The following PHKG1 variants were observed in gnomAD, a reference collection of about 807,000 sequenced individuals.
The protein encoded by PHKG1 is phosphorylase b kinase gamma catalytic chain, skeletal muscle/heart isoform.
Under a neutral mutation model 50.5 loss-of-function variants are expected in PHKG1, and 48 were observed. That is an observed-to-expected ratio of 0.95 (90% CI 0.75 to 1.21). PHKG1 has a LOEUF of 1.21. Ranked by LOEUF, PHKG1 falls within the 50% of genes most tolerant of loss-of-function variation. The pLI, the probability that PHKG1 is intolerant of heterozygous loss-of-function variation, is 0.00. For synonymous variants in PHKG1, 204 were observed against 212.8 expected, an observed-to-expected ratio of 0.96 and a Z score of 0.36; for missense variants, 487 against 519.5, an observed-to-expected ratio of 0.94 and a Z score of 0.61.
chr7:56,083,313 A>T lies in PHKG1; in HGVS notation c.512T>A (p.Phe171Tyr), dbSNP rs1287096715. ...CTCTCCCGGCTCCAGCTGGCAGGAA[A>T]AGCCAAAGTCTGTGAGCTTGATGTT... is the stretch of plus-strand genomic sequence containing the variant. The part of the protein sequence containing the change: ...NMNIKLTDFG[F>Y]SCQLEPGERL... The change falls in exon 6 of 10, where the codon TTT becomes TAT. Residue 171 changes from phenylalanine to tyrosine, a missense_variant. Physicochemically the swap from Phe to Tyr is conservative, Grantham distance 22. Coordinates refer to ENST00000297373, the MANE Select transcript of PHKG1 (RefSeq NM_006213.5). The T allele has an allele frequency of 3.7e-6, 6 of 1,614,030 alleles. No homozygotes were observed. Among genetic ancestry groups the T allele is most frequent in the Non-Finnish European group, 5.1e-6 (6 of 1,179,968 alleles).
intron 2 of PHKG1, 81 bp downstream of exon 2, chr7:56,088,778 G>T (rs1156641393): frequency 1.1e-6 from 1 of 900,690 alleles, no homozygotes; most frequent in Non-Finnish European, 1.8e-6. Context: ...GTTAGTACTC[G>T]GGGTGGAGCA....
At chr7:56,084,273 G>A in intron 4 of PHKG1, 1 of 1,314,032 alleles carries the variant, frequency 7.6e-7, no homozygotes, top group South Asian at 1.3e-5. Context: ...GGACTGGGAT[G>A]TATCGGGGCC....
rs958646698 is a variant in PHKG1, at chr7:56,081,519, G to A, written c.918+111C>T. 2.2e-6 allele frequency: 3 copies of A among 1,343,658 alleles called. No individual in the cohort carries two copies. In the African/African-American group the frequency reaches 4.3e-5, roughly 19 times the overall value. 83.2% of individuals were successfully genotyped at this position (1,343,658 alleles called of 1,614,324 possible). On this transcript the variant is annotated intron_variant, in intron 9 of 9. Transcript: ENST00000297373. This position sits in a 1 kb window ranked among gnomAD's most constrained non-coding sequence, Gnocchi z 4.6. ...AAGCCATCACAGGGCAGCTGGGAGG[G>A]GAGGGATGGGTACTCTGGAAATTCA...
intron 1 of PHKG1, 30 bp from the exon 2 acceptor site, chr7:56,089,005 C>T: frequency 1.8e-6 from 2 of 1,095,116 alleles, no homozygotes; most frequent in Non-Finnish European, 2.8e-6. Context: ...AAGCTGTCAG[C>T]CTTCCTGACC....
At chr7:56,090,434 C>T (rs1796452724) in intron 1 of PHKG1, among the ~76,000 whole-genome samples, 2 of 152,106 alleles carry the variant, frequency 1.3e-5, no homozygotes, top group African/African-American at 4.8e-5. Flanking sequence ...TGTATTCTAT[C>T]CATAACTGGG....
chr7:56,080,723 G>A lies in PHKG1; in HGVS notation c.*331C>T. The A allele has an allele frequency of 2.8e-6, 1 of 353,456 alleles. No homozygotes were observed. Among genetic ancestry groups the A allele is most frequent in the South Asian group, 3.4e-5 (1 of 29,462 alleles). 21.9% of individuals were successfully genotyped at this position (353,456 alleles called of 1,614,324 possible). On this transcript the variant is annotated 3_prime_UTR_variant, in exon 10 of 10. Coordinates refer to ENST00000297373, the MANE Select transcript of PHKG1 (RefSeq NM_006213.5). The stretch of plus-strand genomic sequence containing the variant: ...GTGACCCTAAGGGAAGAAAGCCTGA[G>A]TGTCAGTAACTCTGGGCCTCCCCTA...
At chr7:56,087,810 C>G (rs748194248) in intron 2 of PHKG1, 34 bp from the exon 3 acceptor site, 3 of 1,579,886 alleles carry the variant, frequency 1.9e-6, no homozygotes, top group Admixed American at 3.4e-5. Flanking sequence ...CCTCGGGGGG[C>G]CCCTCACCCC....
At chr7:56,085,519 A>T (rs973735161) in intron 4 of PHKG1, among the ~76,000 whole-genome samples, 1 of 152,186 alleles carries the variant, frequency 6.6e-6, no homozygotes, top group African/African-American at 2.4e-5. Flanking sequence ...GATGATGGTG[A>T]TGATGGTGGT....
In PHKG1 at chr7:56,081,271, A is replaced by T. The variant is rs1562875685; in HGVS notation, c.947T>A (p.Val316Glu). ...CCGGCGGTACTGGTAGTAGATCCGCACTGAAGCCAGCACGGTCAGAGCGAT... is the reference window on the plus strand; with the variant it reads ...CCGGCGGTACTGGTAGTAGATCCGCTCTGAAGCCAGCACGGTCAGAGCGAT... ...KVIALTVLAS[V>E]RIYYQYRRVK... Residue 316 changes from valine (V) to glutamate (E), a missense_variant, in exon 10 of 10, where the codon GTG becomes GAG. Val to Glu is a moderately radical substitution (Grantham distance 121, BLOSUM62 -2). Transcript: ENST00000297373. The surrounding 1 kb of genome is among the most constrained non-coding windows in gnomAD (Gnocchi z 4.6). The T allele has an allele frequency of 6.2e-7, 1 of 1,611,926 alleles. No individual in the cohort carries two copies. The highest frequency in any genetic ancestry group is 8.5e-7 in the Non-Finnish European group (1 of 1,179,832).
intron 4 of PHKG1, among the ~76,000 whole-genome samples, chr7:56,086,612 C>G (rs568534972): frequency 1.3e-5 from 2 of 152,268 alleles, no homozygotes; most frequent in East Asian, 3.9e-4. Context: ...CCTCAGCCTC[C>G]CGCGTAGCTG....
rs1426697125 is a variant in PHKG1 at position 56,087,530 on chromosome 7, C to T, written c.262+68G>A. On this transcript the variant is annotated intron_variant, in intron 3 of 9. Transcript: ENST00000297373. ...TGGCTGTGCGGTGGGGCCACACTCC[C>T]TGGCTTGGGCTGTCAGGGCAGAATC... The T allele has an allele frequency of 3.2e-5, 49 of 1,515,598 alleles. No individual in the cohort carries two copies. In the East Asian group the frequency reaches 9.6e-4, roughly 30 times the overall value. 93.9% of individuals were successfully genotyped at this position (1,515,598 alleles called of 1,614,324 possible). A position where few individuals can be genotyped will look rare whatever the true frequency, so the allele number is the denominator to read the frequency against.
At chr7:56,083,080 T>G (rs564100617) in intron 6 of PHKG1, 198 bp downstream of exon 6, 1 of 515,014 alleles carries the variant, frequency 1.9e-6, no homozygotes, top group African/African-American at 2.1e-5. Flanking sequence ...CACTCCAGCC[T>G]GGGCGACAGA....
At chr7:56,083,190 T>C in intron 6 of PHKG1, 88 bp downstream of exon 6, 1 of 1,181,484 alleles carries the variant, frequency 8.5e-7, no homozygotes, top group Non-Finnish European at 1.2e-6. Flanking sequence ...ACAATTAAGT[T>C]AGGGGAGAAA....
rs1795964762 is a variant in PHKG1, at chr7:56,081,207, G to A, written c.1011C>T (p.Pro337=). ...PVTREIVIRD[P]YALRPLRRLI... ...GCCGGCGCAGAGGCCGGAGGGCATA[G>A]GGGTCTCGGATGACGATCTCCCGGG... The change falls in exon 10 of 10, where the codon CCC becomes CCT. Residue 337 remains proline, a synonymous_variant. Transcript: ENST00000297373. This position sits in a 1 kb window ranked among gnomAD's most constrained non-coding sequence, Gnocchi z 4.6. The A allele has an allele frequency of 6.2e-7, 1 of 1,613,922 alleles. No homozygotes were observed. The highest frequency in any genetic ancestry group is 1.3e-5 in the African/African-American group (1 of 75,066).
intron 4 of PHKG1, among the ~76,000 whole-genome samples, chr7:56,086,090 C>T (rs938512454): frequency 4.0e-5 from 6 of 151,524 alleles, no homozygotes; most frequent in Non-Finnish European, 7.4e-5. Context: ...ACCGACCTTA[C>T]ATCCTGCCAC....
chr7:56,088,202 T>G lies in PHKG1; in HGVS notation c.84-426A>C, dbSNP rs1478804731. 4.6e-5 allele frequency among the ~76,000 whole-genome samples: 7 copies of G among 152,048 alleles called. No homozygotes were observed. In the South Asian group the frequency reaches 1.0e-3, roughly 23 times the overall value. On this transcript the variant is annotated intron_variant, in intron 2 of 9. Transcript: ENST00000297373. ...GGTACCTGCCACCACACAGAGCTAA[T>G]TTTTGTATTTTTACTGGAGATGGGG...
At chr7:56,082,917 C>T (rs1046202759) in intron 6 of PHKG1, among the ~76,000 whole-genome samples, 15 of 152,058 alleles carry the variant, frequency 9.9e-5, no homozygotes, top group African/African-American at 3.6e-4. Context: ...ACCAGCCTGA[C>T]CAACATGGTG....
rs1440828970 is a variant in PHKG1 at position 56,088,754 on chromosome 7, G to A, written c.83+105C>T. 4 of 712,272 alleles carry A rather than the reference G, an allele frequency of 5.6e-6. No homozygotes were observed. The African/African-American group carries it at 7.0e-5, about 12-fold the overall frequency. 44.1% of individuals were successfully genotyped at this position (712,272 alleles called of 1,614,324 possible). On this transcript the variant is annotated intron_variant, in intron 2 of 9. Transcript: ENST00000297373. ...GTTTCTCCAAGTGAACAGCACTTTG[G>A]GGATGAAAGTGGCGTTAGTACTCGG...
At chr7:56,085,777 C>T (rs1012573432) in intron 4 of PHKG1, among the ~76,000 whole-genome samples, 14 of 151,838 alleles carry the variant, frequency 9.2e-5, no homozygotes, top group African/African-American at 2.4e-4. Context: ...CCAGACTGGC[C>T]AACATGGCAA....
Sources: allele counts gnomAD v4.1 joint callset (sites outside exome capture counted in the v4.1 genomes callset), GRCh38; gene constraint gnomAD v4.1.1; non-coding constraint Gnocchi (gnomAD v3.1); transcripts MANE v1.5; gene names NCBI Gene and HGNC (gene_info 2026-07-23, HGNC 2026-07-21).